Variants in EVC2 observed in about 807,000 individuals in gnomAD.
EVC2 encodes the protein limbin.
In EVC2, 148 loss-of-function variants were observed where a neutral mutation model predicts 149.3. That is an observed-to-expected ratio of 0.99 (90% CI 0.87 to 1.14). EVC2 has a LOEUF of 1.14. Ranked by LOEUF, EVC2 falls within the 50% of genes most tolerant of loss-of-function variation. The probability of loss-of-function intolerance (pLI) is 0.00; values close to 1 mark genes in which losing one functional copy is unlikely to be tolerated. For missense variants in EVC2, 1,854 were observed against 1,627.3 expected (o/e 1.14, Z -2.40); for synonymous variants, 776 against 649.9 (o/e 1.19, Z -2.95).
rs984564731 is a variant in EVC2, at chr4:5,677,638, T to C, written c.870+3622A>G. Among the ~76,000 whole-genome samples the C allele has an allele frequency of 6.6e-6, 1 of 152,344 alleles. No individual in the cohort carries two copies. Among genetic ancestry groups the C allele is most frequent in the East Asian group, 1.9e-4 (1 of 5,186 alleles). ...GGAAGAGCTCAGAAATACCCTTACATGAGCATTCTCTGCCTTTTATTACAC... is the reference window on the plus strand; with the variant it reads ...GGAAGAGCTCAGAAATACCCTTACACGAGCATTCTCTGCCTTTTATTACAC... On this transcript the variant is annotated intron_variant, in intron 7 of 21. Transcript: ENST00000344408. The surrounding 1 kb of genome is among the most constrained non-coding windows in gnomAD (Gnocchi z 4.3).
chr4:5,641,541 G>A (rs185519534), intron 9 of EVC2, among the ~76,000 whole-genome samples: 57 of 152,222 alleles, frequency 3.7e-4, no homozygotes, highest in South Asian at 6.2e-4. Context: ...CCTGACTGGC[G>A]GTAGTTGTAA....
the EVC2 span, among the ~76,000 whole-genome samples, chr4:5,533,345 G>C: frequency 4.7e-4 from 71 of 152,330 alleles, no homozygotes; most frequent in African/African-American, 1.5e-3. Context: ...AAGGCCTGGA[G>C]GCAGCCACAG....
At chr4:5,575,866 G>T (rs1455755805) in intron 18 of EVC2, among the ~76,000 whole-genome samples, 1 of 152,170 alleles carries the variant, frequency 6.6e-6, no homozygotes, top group Admixed American at 6.5e-5. Context: ...CTGTAGTCTA[G>T]TTCACTGTCT....
At chr4:5,538,522 A>G (rs1280264279), downstream of EVC2, among the ~76,000 whole-genome samples, 2 of 152,190 alleles carry the variant, frequency 1.3e-5, no homozygotes, top group African/African-American at 4.8e-5. Context: ...ACAAGAAGAG[A>G]AAACCAAAGA....
chr4:5,581,955 G>A (rs1318048424), intron 17 of EVC2, among the ~76,000 whole-genome samples: 1 of 152,252 alleles, frequency 6.6e-6, no homozygotes, highest in Non-Finnish European at 1.5e-5. Context: ...TGTTAAGCCT[G>A]CAGGTGCACA....
chr4:5,571,131 C>T (rs535812046), intron 19 of EVC2, among the ~76,000 whole-genome samples: 8 of 151,888 alleles, frequency 5.3e-5, no homozygotes, highest in African/African-American at 1.7e-4. Flanking sequence ...GTCTGGCCAA[C>T]GTGGTGAAAC....
downstream of EVC2, among the ~76,000 whole-genome samples, chr4:5,541,258 G>T (rs1460236902): frequency 6.6e-6 from 1 of 152,106 alleles, no homozygotes; most frequent in Non-Finnish European, 1.5e-5. Flanking sequence ...AGGCACTGGG[G>T]ATACAGCTGA....
At chr4:5,580,623 G>C (rs576569351) in intron 17 of EVC2, among the ~76,000 whole-genome samples, 2 of 152,266 alleles carry the variant, frequency 1.3e-5, no homozygotes, top group South Asian at 4.1e-4. Context: ...AAATGACCTT[G>C]GACCTGCTCT....
Position 5,567,588 on chromosome 4 carries a change from G to A in EVC2, c.3557+856C>T, listed in dbSNP as rs1722367203. On this transcript the variant is annotated intron_variant, in intron 20 of 21. Transcript: ENST00000344408. The surrounding 1 kb of genome is among the most constrained non-coding windows in gnomAD (Gnocchi z 4.4). The stretch of plus-strand genomic sequence containing the variant: ...TACTCCATCCTCAAGGGGTACTGCT[G>A]GCTGCCCCCCAAACCCGCCTTACTC... Among the ~76,000 whole-genome samples the A allele has an allele frequency of 6.6e-6, 1 of 151,958 alleles. No homozygotes were observed.
chr4:5,563,187 A>G lies in EVC2; in HGVS notation c.3660-72T>C, dbSNP rs982321588. On this transcript the variant is annotated intron_variant, in intron 21 of 21. Transcript: ENST00000344408. ...CCTCTGGAGTGTTCTGAGTTCTCCA[A>G]GAGAATCCCTCCTTGGGTCCTGAAT... is the stretch of plus-strand genomic sequence containing the variant. 24 of 1,455,774 alleles carry G rather than the reference A, an allele frequency of 1.6e-5. No homozygotes were observed. In the African/African-American group the frequency reaches 3.2e-4, roughly 19 times the overall value. 90.2% of individuals were successfully genotyped at this position (1,455,774 alleles called of 1,614,324 possible).
chr4:5,639,453 T>C (rs1298624997), intron 10 of EVC2, among the ~76,000 whole-genome samples: 1 of 152,260 alleles, frequency 6.6e-6, no homozygotes, highest in Non-Finnish European at 1.5e-5. Context: ...AGGCCAGCCC[T>C]GGCAAGGCTG....
At position 5,687,923 on chromosome 4, in the gene EVC2, C is replaced by A. The variant is rs369294317; in HGVS notation, c.706+1234G>T. ...TGGACTGATATTCGCACAACCAGAGCACTTCAATAGCTTTGCAGAAGCCAC... is the reference window on the plus strand; with the variant it reads ...TGGACTGATATTCGCACAACCAGAGAACTTCAATAGCTTTGCAGAAGCCAC... On this transcript the variant is annotated intron_variant, in intron 5 of 21. Coordinates refer to ENST00000344408, the MANE Select transcript of EVC2 (RefSeq NM_147127.5). Among the ~76,000 whole-genome samples the A allele has an allele frequency of 8.5e-4, 129 of 152,296 alleles. 1 individual carries two copies. Among genetic ancestry groups the A allele is most frequent in the African/African-American group, 2.9e-3 (121 of 41,572 alleles).
downstream of EVC2, among the ~76,000 whole-genome samples, chr4:5,538,718 C>T (rs1262105157): frequency 6.6e-6 from 1 of 151,944 alleles, no homozygotes; most frequent in Non-Finnish European, 1.5e-5. Context: ...TGATGAAAAA[C>T]TAAAATATAT....
intron 11 of EVC2, among the ~76,000 whole-genome samples, chr4:5,630,177 T>C (rs188755751): frequency 3.3e-5 from 5 of 152,352 alleles, no homozygotes; most frequent in East Asian, 1.9e-4. Flanking sequence ...GAGCTCGTTC[T>C]CTGTCCTGGG....
At chr4:5,594,360 T>G (rs1416178501) in intron 16 of EVC2, among the ~76,000 whole-genome samples, 1 of 152,142 alleles carries the variant, frequency 6.6e-6, no homozygotes, top group African/African-American at 2.4e-5. Flanking sequence ...GGCCGGGTAC[T>G]CCTCTGAGAC....
chr4:5,594,828 T>C (rs936464075), intron 16 of EVC2, among the ~76,000 whole-genome samples: 5 of 151,874 alleles, frequency 3.3e-5, no homozygotes, highest in Non-Finnish European at 7.4e-5. Flanking sequence ...TTGAAAAAAA[T>C]TTAGGCGAAT....
In EVC2 at chr4:5,640,516, T is replaced by C; in HGVS notation, c.1468A>G (p.Arg490Gly). 1 of 1,614,134 alleles carries C rather than the reference T, an allele frequency of 6.2e-7. No individual in the cohort carries two copies. The highest frequency in any genetic ancestry group is 2.2e-5 in the East Asian group (1 of 44,858). ...AEELLKRAGE[R>G]SAVECSNLLR... is the part of the protein sequence containing the mutation. ...CCTTCCTTTCAGACCTGTCTTACCC[T>C]CTCACCAGCACGTTTCAGCAACTCT... Residue 490 changes from arginine to glycine, a missense_variant and splice_region_variant, in exon 10 of 22, where the codon AGG becomes GGG. Physicochemically the swap from Arg to Gly is moderately radical, Grantham distance 125. Coordinates refer to ENST00000344408, the MANE Select transcript of EVC2 (RefSeq NM_147127.5). This position sits in a 1 kb window ranked among gnomAD's most constrained non-coding sequence, Gnocchi z 4.6.
chr4:5,660,859 G>A (rs1456033911), intron 9 of EVC2, among the ~76,000 whole-genome samples: 2 of 152,176 alleles, frequency 1.3e-5, no homozygotes, highest in African/African-American at 4.8e-5. Context: ...CTCACCAGAT[G>A]TATCACTGTG....
intron 1 of EVC2, among the ~76,000 whole-genome samples, chr4:5,698,385 C>G: frequency 6.6e-6 from 1 of 152,072 alleles, no homozygotes; most frequent in South Asian, 2.1e-4. Flanking sequence ...TAGCTGGAAC[C>G]ATTTATTCAC....
Sources: gnomAD v4.1 joint callset for allele counts (sites outside exome capture counted in the v4.1 genomes callset) on GRCh38, gnomAD v4.1.1 for gene constraint, Gnocchi (gnomAD v3.1) non-coding constraint, MANE v1.5 for transcripts, NCBI Gene and HGNC (gene_info 2026-07-23, HGNC 2026-07-21) for gene names.